Variants in ARHGAP24 observed in about 807,000 individuals in gnomAD.
ARHGAP24 encodes the protein Rho GTPase activating protein 24.
Under a neutral mutation model 76.4 loss-of-function variants are expected in ARHGAP24, and 50 were observed. That is an observed-to-expected ratio of 0.65 (90% CI 0.52 to 0.83). The LOEUF (loss-of-function observed/expected upper bound fraction) is 0.83, where lower values mean the gene tolerates loss of function less well. Ranked by LOEUF, ARHGAP24 falls within the 40% of genes least tolerant of loss-of-function variation. The pLI, the probability that ARHGAP24 is intolerant of heterozygous loss-of-function variation, is 0.00. For missense variants in ARHGAP24, 930 were observed against 914.2 expected (o/e 1.02, Z -0.22); for synonymous variants, 345 against 323.3 (o/e 1.07, Z -0.72).
chr4:85,610,306 T>C (rs1720336593), intron 2 of ARHGAP24, among the ~76,000 whole-genome samples: 2 of 151,256 alleles, frequency 1.3e-5, no homozygotes, highest in Non-Finnish European at 1.5e-5. Flanking sequence ...TAGCCAGGTG[T>C]GGTGGCGGAC....
chr4:85,732,094 A>G (rs553620884), intron 3 of ARHGAP24, among the ~76,000 whole-genome samples: 1 of 152,340 alleles, frequency 6.6e-6, no homozygotes, highest in South Asian at 2.1e-4. Flanking sequence ...TTATCCAATA[A>G]TTGAAAAGGG....
intron 3 of ARHGAP24, among the ~76,000 whole-genome samples, chr4:85,853,602 A>G (rs1731367508): frequency 6.6e-6 from 1 of 152,136 alleles, no homozygotes; most frequent in South Asian, 2.1e-4. Flanking sequence ...CTATTCGGCC[A>G]TCTTGGAACG....
chr4:85,734,800 G>T (rs1188795249), intron 3 of ARHGAP24, among the ~76,000 whole-genome samples: 1 of 151,896 alleles, frequency 6.6e-6, no homozygotes, highest in Non-Finnish European at 1.5e-5. Flanking sequence ...GTCATAATGG[G>T]TTCTTTGATT....
At chr4:85,499,341 A>T (rs1269577167) in intron 1 of ARHGAP24, among the ~76,000 whole-genome samples, 1 of 152,190 alleles carries the variant, frequency 6.6e-6, no homozygotes, top group African/African-American at 2.4e-5. Context: ...TTTGATTTCA[A>T]TGTTAATGAA....
chr4:85,918,441 T>C (rs537789460), intron 3 of ARHGAP24, among the ~76,000 whole-genome samples: 52 of 151,938 alleles, frequency 3.4e-4, no homozygotes, highest in Non-Finnish European at 5.9e-4. Flanking sequence ...TATTTTCAAA[T>C]GTATTTATTA....
intron 4 of ARHGAP24, among the ~76,000 whole-genome samples, chr4:85,926,378 A>T (rs927631795): frequency 3.9e-5 from 6 of 152,220 alleles, no homozygotes; most frequent in African/African-American, 1.4e-4. Flanking sequence ...TGAGACTGCA[A>T]GGCAAGCTTT....
intron 2 of ARHGAP24, among the ~76,000 whole-genome samples, chr4:85,602,174 A>G (rs1452111278): frequency 1.3e-5 from 2 of 152,214 alleles, no homozygotes; most frequent in Non-Finnish European, 2.9e-5. Context: ...TAGTACATAG[A>G]TAAAACTCTG....
At chr4:85,582,088 G>A (rs1727637938) in intron 2 of ARHGAP24, among the ~76,000 whole-genome samples, 4 of 152,084 alleles carry the variant, frequency 2.6e-5, no homozygotes, top group Admixed American at 2.6e-4. Context: ...TGTTTCCCAA[G>A]TCATTGAATT....
At chr4:85,696,850 G>T (rs1228596395) in intron 2 of ARHGAP24, among the ~76,000 whole-genome samples, 1 of 152,158 alleles carries the variant, frequency 6.6e-6, no homozygotes, top group Non-Finnish European at 1.5e-5. Flanking sequence ...ATGCAGAAAT[G>T]GTGAGATAAA....
intron 2 of ARHGAP24, among the ~76,000 whole-genome samples, chr4:85,608,866 C>CA (rs1168080173): frequency 6.6e-6 from 1 of 151,908 alleles, no homozygotes; most frequent in Non-Finnish European, 1.5e-5. Flanking sequence ...AGCCAGTACT[C>CA]AATGTTTTTA....
At chr4:85,786,649 AAC>A (rs71672795) in intron 3 of ARHGAP24, among the ~76,000 whole-genome samples, 2 of 151,916 alleles carry the variant, frequency 1.3e-5, no homozygotes, top group East Asian at 1.9e-4. Context: ...ATCTCTTATG[AAC>A]ACACACACAC....
intron 3 of ARHGAP24, among the ~76,000 whole-genome samples, chr4:85,752,838 C>T (rs1726314361): frequency 6.6e-6 from 1 of 152,124 alleles, no homozygotes; most frequent in South Asian, 2.1e-4. Context: ...CAAAGGAGCC[C>T]TAAATAAATG....
chr4:85,700,099 T>G (rs866692547), intron 2 of ARHGAP24, among the ~76,000 whole-genome samples: 1 of 152,032 alleles, frequency 6.6e-6, no homozygotes, highest in Non-Finnish European at 1.5e-5. Context: ...ACATCTGTTT[T>G]GAAGATAGAG....
chr4:85,827,284 T>C (rs571301190), intron 3 of ARHGAP24, among the ~76,000 whole-genome samples: 3 of 152,316 alleles, frequency 2.0e-5, no homozygotes, highest in African/African-American at 7.2e-5. Context: ...GACTTTATTA[T>C]ATGAGTTTAT....
intron 3 of ARHGAP24, among the ~76,000 whole-genome samples, chr4:85,810,198 A>G (rs1214203910): frequency 6.6e-6 from 1 of 152,190 alleles, no homozygotes; most frequent in Non-Finnish European, 1.5e-5. Flanking sequence ...GTTAGACAAT[A>G]TCTTCTTCAT....
At position 85,995,454 on chromosome 4, in the gene ARHGAP24, C is replaced by T; in HGVS notation, c.1800C>T (p.Asp600=). ...DPVLDGPPQD[D]LSHPRDYESK... ...TTTTGGATGGGCCCCCGCAGGACGA[C>T]CTTTCCCACCCCAGGGACTATGAAA... The change falls in exon 9 of 10, where the codon GAC becomes GAT. Residue 600 remains aspartate, a synonymous_variant. Transcript: ENST00000395184. The T allele has an allele frequency of 6.2e-7, 1 of 1,606,458 alleles. No homozygotes were observed. Among genetic ancestry groups the T allele is most frequent in the Non-Finnish European group, 8.5e-7 (1 of 1,175,042 alleles).
At chr4:85,601,303 G>T (rs1720021322) in intron 2 of ARHGAP24, among the ~76,000 whole-genome samples, 1 of 152,160 alleles carries the variant, frequency 6.6e-6, no homozygotes, top group African/African-American at 2.4e-5. Context: ...ATGAATGAAT[G>T]AACAAACACT....
rs566443707 is a variant in ARHGAP24, at chr4:85,707,801, G to A, written c.181-14084G>A. 4.1e-3 allele frequency among the ~76,000 whole-genome samples: 621 copies of A among 152,240 alleles called. 6 individuals are homozygous for A. The highest frequency in any genetic ancestry group is 0.025 in the South Asian group (121 of 4,826). On this transcript the variant is annotated intron_variant, in intron 2 of 9. Coordinates refer to ENST00000395184, the MANE Select transcript of ARHGAP24 (RefSeq NM_001025616.3). The stretch of plus-strand genomic sequence containing the variant: ...AGAATGAAAGTTGATTACCTCAACC[G>A]GAAATGAAAAGGAGACCAGCATGAC...
chr4:85,845,634 CT>C (rs1578290181), intron 3 of ARHGAP24, among the ~76,000 whole-genome samples: 1 of 152,126 alleles, frequency 6.6e-6, no homozygotes, highest in South Asian at 2.1e-4. Context: ...AGCAGTGCCC[CT>C]AATCACTACC....
Sources: allele counts gnomAD v4.1 joint callset (sites outside exome capture counted in the v4.1 genomes callset), GRCh38; gene constraint gnomAD v4.1.1; transcripts MANE v1.5; gene names NCBI Gene and HGNC (gene_info 2026-07-23, HGNC 2026-07-21).